CSMD1: variants seen among roughly 807,000 people sequenced by gnomAD.
CSMD1 encodes the protein CUB and sushi domain-containing protein 1.
A neutral mutation model predicts 417.5 loss-of-function variants in CSMD1; 213 were observed. The observed-to-expected ratio is 0.51, with a 90% CI of 0.46 to 0.57. The LOEUF is 0.57. CSMD1 is among the 20% of genes least tolerant of loss of function. CSMD1 has a pLI of 0.00. For synonymous variants in CSMD1, 2,862 were observed against 1,736.8 expected, an observed-to-expected ratio of 1.65 and a Z score of -16.11; for missense variants, 6,923 against 4,529.7, an observed-to-expected ratio of 1.53 and a Z score of -15.17.
intron 2 of CSMD1, among the ~76,000 whole-genome samples, chr8:4,506,104 G>C (rs1039278946): frequency 3.9e-5 from 6 of 152,126 alleles, no homozygotes; most frequent in Non-Finnish European, 8.8e-5. Context: ...TACCACAATA[G>C]TCTTTCTAGG....
intron 5 of CSMD1, among the ~76,000 whole-genome samples, chr8:3,979,603 G>A (rs1321796700): frequency 6.6e-6 from 1 of 152,138 alleles, no homozygotes; most frequent in Non-Finnish European, 1.5e-5. Context: ...CGGCCAACAT[G>A]ATGAGATTAT....
At chr8:4,202,566 T>C (rs1799722334) in intron 3 of CSMD1, among the ~76,000 whole-genome samples, 1 of 152,214 alleles carries the variant, frequency 6.6e-6, no homozygotes, top group Non-Finnish European at 1.5e-5. Context: ...GACAAATTAC[T>C]CCTGTATTCA....
At chr8:4,175,940 C>G (rs7828070) in intron 3 of CSMD1, among the ~76,000 whole-genome samples, 1 of 151,802 alleles carries the variant, frequency 6.6e-6, no homozygotes, top group Non-Finnish European at 1.5e-5. Context: ...CAGGTGCTGT[C>G]GACATTGGTG....
chr8:4,347,719 C>A (rs375893286), intron 3 of CSMD1, among the ~76,000 whole-genome samples: 1 of 152,062 alleles, frequency 6.6e-6, no homozygotes, highest in East Asian at 1.9e-4. Context: ...TCCTGTAGCA[C>A]GTAACTCAAT....
intron 37 of CSMD1, among the ~76,000 whole-genome samples, chr8:3,167,238 T>C (rs547234449): frequency 1.4e-5 from 2 of 138,680 alleles, no homozygotes; most frequent in African/African-American, 2.7e-5. Flanking sequence ...TGAGCCGAGA[T>C]CGCACACTGC....
intron 1 of CSMD1, among the ~76,000 whole-genome samples, chr8:4,671,958 C>T (rs545920557): frequency 5.9e-5 from 9 of 152,118 alleles, no homozygotes; most frequent in Non-Finnish European, 1.0e-4. Context: ...AGCACCTCGC[C>T]GAGGTAGGCA....
At chr8:3,227,993 C>G (rs1798616393) in intron 27 of CSMD1, among the ~76,000 whole-genome samples, 1 of 152,140 alleles carries the variant, frequency 6.6e-6, no homozygotes, top group African/African-American at 2.4e-5. Flanking sequence ...GTCTCAAACT[C>G]CTGATGTCAA....
intron 5 of CSMD1, among the ~76,000 whole-genome samples, chr8:3,771,006 C>A (rs1798539663): frequency 7.7e-6 from 1 of 129,702 alleles, no homozygotes; most frequent in South Asian, 2.6e-4. Context: ...CTCTCTCTCT[C>A]TGTCAGTGTG....
chr8:3,928,686 T>C (rs1278340516), intron 5 of CSMD1, among the ~76,000 whole-genome samples: 1 of 150,202 alleles, frequency 6.7e-6, no homozygotes, highest in Non-Finnish European at 1.5e-5. Flanking sequence ...TTTTTTTAAA[T>C]TGCTCCTGCT....
At chr8:4,597,953 T>C (rs1446765474) in intron 2 of CSMD1, among the ~76,000 whole-genome samples, 1 of 151,888 alleles carries the variant, frequency 6.6e-6, no homozygotes, top group Non-Finnish European at 1.5e-5. Context: ...CATTGTCATC[T>C]CTAATTATTT....
At chr8:4,729,412 T>C (rs961272124) in intron 1 of CSMD1, among the ~76,000 whole-genome samples, 1 of 152,072 alleles carries the variant, frequency 6.6e-6, no homozygotes, top group Non-Finnish European at 1.5e-5. Flanking sequence ...AAATAAAGTA[T>C]CCACAACTTC....
chr8:4,958,695 CATAATT>C (rs1261303291), intron 1 of CSMD1, among the ~76,000 whole-genome samples: 2 of 152,084 alleles, frequency 1.3e-5, no homozygotes, highest in Non-Finnish European at 2.9e-5. Flanking sequence ...GAATAATAGA[CATAATT>C]AGATTTAGTG....
intron 5 of CSMD1, among the ~76,000 whole-genome samples, chr8:3,994,685 A>T (rs1365128974): frequency 6.6e-6 from 1 of 152,102 alleles, no homozygotes; most frequent in African/African-American, 2.4e-5. Flanking sequence ...TTACGAACCC[A>T]ACGTATGTTT....
At chr8:4,368,673 T>G (rs1233725175) in intron 3 of CSMD1, among the ~76,000 whole-genome samples, 1 of 152,170 alleles carries the variant, frequency 6.6e-6, no homozygotes, top group East Asian at 1.9e-4. Flanking sequence ...AGGATTTTAA[T>G]TTCTTCCTGG....
intron 18 of CSMD1, among the ~76,000 whole-genome samples, chr8:3,379,519 A>G (rs564980832): frequency 2.0e-5 from 3 of 152,372 alleles, no homozygotes; most frequent in East Asian, 1.9e-4. Flanking sequence ...TACAGTAACA[A>G]AAACAGCAAG....
At chr8:4,412,905 C>A (rs756944444) in intron 3 of CSMD1, among the ~76,000 whole-genome samples, 1 of 152,114 alleles carries the variant, frequency 6.6e-6, no homozygotes, top group African/African-American at 2.4e-5. Flanking sequence ...AGATAACTGA[C>A]AACAATCAGA....
chr8:4,379,520 G>C (rs552930384), intron 3 of CSMD1, among the ~76,000 whole-genome samples: 1 of 152,136 alleles, frequency 6.6e-6, no homozygotes, highest in African/African-American at 2.4e-5. Flanking sequence ...AAGGCAAGTG[G>C]GTGAAGTATA....
intron 7 of CSMD1, among the ~76,000 whole-genome samples, chr8:3,688,188 GAC>G (rs1289132276): frequency 9.2e-5 from 14 of 152,162 alleles, no homozygotes; most frequent in African/African-American, 3.4e-4. Flanking sequence ...GCATAAATTG[GAC>G]ACAATGAATA....
At chr8:4,861,479 T>C (rs1032410152) in intron 1 of CSMD1, among the ~76,000 whole-genome samples, 19 of 152,104 alleles carry the variant, frequency 1.2e-4, no homozygotes, top group African/African-American at 4.1e-4. Flanking sequence ...ATCCTTTATG[T>C]ATGTTTGTAT....
Sources: gnomAD v4.1 joint callset for allele counts (sites outside exome capture counted in the v4.1 genomes callset) on GRCh38, gnomAD v4.1.1 for gene constraint, MANE v1.5 for transcripts, NCBI Gene and HGNC (gene_info 2026-07-23, HGNC 2026-07-21) for gene names.